Variants in PARD3B observed in about 807,000 individuals in gnomAD.
PARD3B encodes the protein partitioning defective 3 homolog B.
A neutral mutation model predicts 130.2 loss-of-function variants in PARD3B; 103 were observed. The observed-to-expected ratio is 0.79, with a 90% confidence interval of 0.67 to 0.93. The LOEUF is 0.93. Ranked by LOEUF, PARD3B falls within the 40% of genes least tolerant of loss-of-function variation. The pLI is 0.00. For missense variants in PARD3B, 1,609 were observed against 1,499.2 expected, an observed-to-expected ratio of 1.07 and a Z score of -1.21; for synonymous variants, 583 against 553.2, an observed-to-expected ratio of 1.05 and a Z score of -0.76.
In PARD3B at chr2:205,376,982, G is replaced by A. The variant is rs374938379; in HGVS notation, c.2631-24031G>A. ...AAATGGAGGCAGGAAATGCTGTTAC[G>A]GCCTCCAAGCCCAGAGATGATATAA... On this transcript the variant is annotated intron_variant, in intron 18 of 22. Transcript: ENST00000406610. Among the ~76,000 whole-genome samples, 6 of 152,228 alleles carry A rather than the reference G, an allele frequency of 3.9e-5. No individual in the cohort carries two copies. In the East Asian group the frequency reaches 7.7e-4, roughly 20 times the overall value.
intron 3 of PARD3B, among the ~76,000 whole-genome samples, chr2:205,002,243 C>T (rs985919008): frequency 1.3e-5 from 2 of 152,140 alleles, no homozygotes; most frequent in Non-Finnish European, 2.9e-5. Context: ...TGTTTCATCC[C>T]CTTGTAGACT....
chr2:205,540,398 A>G (rs928033703), intron 21 of PARD3B, among the ~76,000 whole-genome samples: 1 of 152,132 alleles, frequency 6.6e-6, no homozygotes, highest in Non-Finnish European at 1.5e-5. Context: ...TTTTTAAAAA[A>G]TACTCTCTTT....
intron 2 of PARD3B, among the ~76,000 whole-genome samples, chr2:204,871,514 A>T (rs1346027070): frequency 6.6e-6 from 1 of 152,120 alleles, no homozygotes; most frequent in Non-Finnish European, 1.5e-5. Context: ...TTCAATTCTA[A>T]TCCCTTCTCA....
At chr2:204,908,969 TA>T (rs1390936672) in intron 2 of PARD3B, among the ~76,000 whole-genome samples, 2 of 152,110 alleles carry the variant, frequency 1.3e-5, no homozygotes, top group Non-Finnish European at 2.9e-5. Context: ...GTCTCAGTGA[TA>T]AAAACATTGA....
chr2:205,340,962 G>A (rs902447461), intron 18 of PARD3B, among the ~76,000 whole-genome samples: 3 of 151,898 alleles, frequency 2.0e-5, no homozygotes, highest in African/African-American at 7.3e-5. Context: ...CTCAAAAGAA[G>A]GCCTACAAAT....
chr2:204,858,768 A>G (rs1054595773), intron 2 of PARD3B, among the ~76,000 whole-genome samples: 1 of 148,240 alleles, frequency 6.7e-6, no homozygotes, highest in Non-Finnish European at 1.5e-5. Context: ...TGTATATATT[A>G]TATATACATA....
rs148096686 is a variant in PARD3B at position 205,144,796 on chromosome 2, G to C, written c.1435-13926G>C. On this transcript the variant is annotated intron_variant, in intron 10 of 22. Coordinates refer to ENST00000406610, the MANE Select transcript of PARD3B (RefSeq NM_001302769.2). ...TATTTATCATTAACAGCATACTAAA[G>C]GGGATTGGTATCCAGCAGGAATCAC... Among the ~76,000 whole-genome samples the C allele has an allele frequency of 7.1e-3, 1,078 of 152,240 alleles. 14 individuals are homozygous for C. The highest frequency in any genetic ancestry group is 0.024 in the African/African-American group (1,016 of 41,548).
In PARD3B at chr2:205,457,960, A is replaced by T. The variant is rs75621521; in HGVS notation, c.3044+17288A>T. On this transcript the variant is annotated intron_variant, in intron 20 of 22. Coordinates refer to ENST00000406610, the MANE Select transcript of PARD3B (RefSeq NM_001302769.2). The stretch of plus-strand genomic sequence containing the variant: ...CAAACAATAAGTATATAATGCAAAT[A>T]TTCTAAAATCCAAACACATCCAAAA... Among the ~76,000 whole-genome samples the T allele has an allele frequency of 2.6e-3, 399 of 152,300 alleles. 3 individuals carry two copies. The highest frequency in any genetic ancestry group is 9.0e-3 in the African/African-American group (375 of 41,584).
At chr2:205,185,908 T>C (rs781740785) in intron 14 of PARD3B, 45 bp downstream of exon 14, 10 of 1,506,780 alleles carry the variant, frequency 6.6e-6, no homozygotes, top group African/African-American at 2.8e-5. Context: ...GTTATTGTTT[T>C]TCTGGGAGAA....
chr2:205,051,722 C>G (rs1431017296), intron 4 of PARD3B, among the ~76,000 whole-genome samples: 2 of 152,158 alleles, frequency 1.3e-5, no homozygotes, highest in Non-Finnish European at 2.9e-5. Flanking sequence ...TGTACACTCT[C>G]AGACATGCTG....
At chr2:204,687,904 C>G (rs1187761584) in intron 2 of PARD3B, among the ~76,000 whole-genome samples, 1 of 152,144 alleles carries the variant, frequency 6.6e-6, no homozygotes, top group Admixed American at 6.5e-5. Flanking sequence ...CATCCAATAC[C>G]TCATTACTAG....
In PARD3B at chr2:205,128,470, T is replaced by C. The variant is rs749975720; in HGVS notation, c.1434+2733T>C. ...TTAGCAACTGGAATAACATTTAACA[T>C]TGTCTCTGGAGTTCACATCCCAGAA... is the stretch of plus-strand genomic sequence containing the variant. On this transcript the variant is annotated intron_variant, in intron 10 of 22. Coordinates refer to ENST00000406610, the MANE Select transcript of PARD3B (RefSeq NM_001302769.2). This position sits in a 1 kb window ranked among gnomAD's most constrained non-coding sequence, Gnocchi z 4.5. 2.6e-5 allele frequency among the ~76,000 whole-genome samples: 4 copies of C among 152,214 alleles called. No homozygotes were observed. Among genetic ancestry groups the C allele is most frequent in the Non-Finnish European group, 5.9e-5 (4 of 68,034 alleles).
At chr2:204,944,877 G>A (rs562828424) in intron 2 of PARD3B, among the ~76,000 whole-genome samples, 10 of 152,132 alleles carry the variant, frequency 6.6e-5, no homozygotes, top group Non-Finnish European at 1.0e-4. Context: ...CTACGTTAGA[G>A]TAACACTTCC....
rs1337478888 is a variant in PARD3B at position 205,562,563 on chromosome 2, T to TA, written c.3260+9160_3260+9161insA. Among the ~76,000 whole-genome samples the TA allele has an allele frequency of 7.1e-4, 108 of 152,312 alleles. No individual in the cohort carries two copies. The highest frequency in any genetic ancestry group is 2.6e-3 in the African/African-American group (106 of 41,560). Reference sequence around the variant, plus strand: ...ATCTATTAAGCTTGGTAAGCTGACTTGCATGTTTTCCCTCCTGCACATATT... The same window carrying TA: ...ATCTATTAAGCTTGGTAAGCTGACTTAGCATGTTTTCCCTCCTGCACATATT... On this transcript the variant is annotated intron_variant, in intron 22 of 22. Coordinates refer to ENST00000406610, the MANE Select transcript of PARD3B (RefSeq NM_001302769.2). The surrounding 1 kb of genome is among the most constrained non-coding windows in gnomAD (Gnocchi z 5.4).
Position 205,585,639 on chromosome 2 carries a change from T to G in PARD3B, c.3261-29817T>G, listed in dbSNP as rs998884211. ...ACAGCTGAAACAACAAAGCGGGACA[T>G]GGAAACATGTTCACTTACACAGATT... On this transcript the variant is annotated intron_variant, in intron 22 of 22. Transcript: ENST00000406610. This position sits in a 1 kb window ranked among gnomAD's most constrained non-coding sequence, Gnocchi z 5.4. Among the ~76,000 whole-genome samples the G allele has an allele frequency of 1.3e-5, 2 of 152,160 alleles. No homozygotes were observed. The highest frequency in any genetic ancestry group is 4.8e-5 in the African/African-American group (2 of 41,422).
At chr2:204,951,051 G>C (rs1039585155) in intron 2 of PARD3B, among the ~76,000 whole-genome samples, 8 of 152,142 alleles carry the variant, frequency 5.3e-5, no homozygotes, top group African/African-American at 1.9e-4. Flanking sequence ...AGTCAAACCA[G>C]AGATTGCTTA....
chr2:204,643,126 A>AAAAAAAAAAAAAAAAAAAAC (rs2035148120), intron 1 of PARD3B, among the ~76,000 whole-genome samples: 1 of 142,728 alleles, frequency 7.0e-6, no homozygotes, highest in African/African-American at 2.5e-5. Context: ...AAAAAAAAAA[A>AAAAAAAAAAAAAAAAAAAAC]AAAAAAAAAA....
At chr2:205,521,517 C>T (rs2051055016) in intron 21 of PARD3B, among the ~76,000 whole-genome samples, 1 of 151,514 alleles carries the variant, frequency 6.6e-6, no homozygotes, top group African/African-American at 2.4e-5. Flanking sequence ...AGTTTTTTCA[C>T]ATACCATTTA....
At chr2:205,049,564 G>A (rs879475289) in intron 4 of PARD3B, among the ~76,000 whole-genome samples, 2 of 152,046 alleles carry the variant, frequency 1.3e-5, no homozygotes, top group African/African-American at 2.4e-5. Flanking sequence ...TTATTTCCAT[G>A]TTTCTATCAC....
Sources: allele counts gnomAD v4.1 joint callset (sites outside exome capture counted in the v4.1 genomes callset), GRCh38; gene constraint gnomAD v4.1.1; non-coding constraint Gnocchi (gnomAD v3.1); transcripts MANE v1.5; gene names NCBI Gene and HGNC (gene_info 2026-07-23, HGNC 2026-07-21).